The following UNC80 variants were observed in gnomAD, a reference collection of about 807,000 sequenced individuals.
The protein encoded by UNC80 is protein unc-80 homolog.
UNC80 carries 164 observed loss-of-function variants against 384.6 expected under a neutral mutation model. The ratio of observed to expected loss-of-function variants is 0.43; its 90% confidence interval spans 0.38 to 0.49. UNC80 has a LOEUF of 0.49. Among genes scored for constraint, UNC80 ranks in the 20% least tolerant of loss-of-function variants. The pLI, the probability that UNC80 is intolerant of heterozygous loss-of-function variation, is 0.00. For synonymous variants in UNC80, 1,486 were observed against 1,527.8 expected (o/e 0.97, Z 0.64); for missense variants, 3,330 against 4,143.0 (o/e 0.80, Z 5.39).
intron 26 of UNC80, among the ~76,000 whole-genome samples, chr2:209,889,384 G>A (rs1421529041): frequency 1.3e-5 from 2 of 152,156 alleles, no homozygotes; most frequent in African/African-American, 2.4e-5. Context: ...TTTTCCATCT[G>A]TACATATCAT....
At chr2:209,875,169 C>A (rs763479412) in intron 23 of UNC80, among the ~76,000 whole-genome samples, 6 of 152,200 alleles carry the variant, frequency 3.9e-5, no homozygotes, top group Non-Finnish European at 8.8e-5. Context: ...CTCCCAGCCT[C>A]CAGACTTGCA....
chr2:209,879,829 C>G (rs2085121391), intron 24 of UNC80, among the ~76,000 whole-genome samples: 1 of 151,850 alleles, frequency 6.6e-6, no homozygotes, highest in Non-Finnish European at 1.5e-5. Context: ...GGCAAAGTCC[C>G]CGGCAACAAA....
intron 25 of UNC80, among the ~76,000 whole-genome samples, chr2:209,887,437 G>A (rs955693182): frequency 6.6e-6 from 1 of 152,142 alleles, no homozygotes; most frequent in Non-Finnish European, 1.5e-5. Flanking sequence ...CCACTTTTAA[G>A]GATTTGTGAT....
chr2:209,905,777 A>T (rs2088118517), intron 29 of UNC80, among the ~76,000 whole-genome samples: 1 of 152,190 alleles, frequency 6.6e-6, no homozygotes, highest in Non-Finnish European at 1.5e-5. Context: ...AGCAACTATT[A>T]CATTTTTCAA....
In UNC80 at chr2:209,834,008, T is replaced by G. The variant is rs2081177597; in HGVS notation, c.2782T>G (p.Tyr928Asp). ...ELHSPENLGL[Y>D]CDIRQLVQFI... ...CCTTCTTGCCTCCAAACAGGGACTG[T>G]ATTGTGACATTCGTCAGCTGGTCCA... Residue 928 changes from tyrosine (Y) to aspartate (D), a missense_variant, in exon 17 of 65, where the codon TAT (tyrosine) becomes GAT (aspartate). Tyr to Asp is a radical substitution (Grantham distance 160, BLOSUM62 -3). Around this residue, in one of 8 missense-constraint regions of UNC80, gnomAD observed 937 missense variants for 1,026.8 expected, o/e 0.91. Coordinates refer to ENST00000673920, the MANE Select transcript of UNC80 (RefSeq NM_001371986.1). 1.3e-6 allele frequency: 2 copies of G among 1,551,674 alleles called. No individual in the cohort carries two copies. The highest frequency in any genetic ancestry group is 1.7e-6 in the Non-Finnish European group (2 of 1,146,940).
chr2:209,877,049 T>C (rs978166860), intron 23 of UNC80, among the ~76,000 whole-genome samples: 1 of 152,212 alleles, frequency 6.6e-6, no homozygotes, highest in African/African-American at 2.4e-5. Context: ...AGAAGAAACT[T>C]AGCTGGAATT....
At chr2:209,911,597 A>G (rs1359611005) in intron 29 of UNC80, among the ~76,000 whole-genome samples, 1 of 152,194 alleles carries the variant, frequency 6.6e-6, no homozygotes, top group Non-Finnish European at 1.5e-5. Context: ...AAATATCTTT[A>G]TCCATAACAC....
chr2:209,888,158 A>T lies in UNC80; in HGVS notation c.4174A>T (p.Ile1392Phe). 1 of 1,551,684 alleles carries T rather than the reference A, an allele frequency of 6.4e-7. No individual in the cohort carries two copies. Among genetic ancestry groups the T allele is most frequent in the Non-Finnish European group, 8.7e-7 (1 of 1,146,982 alleles). ...ELDRHRYERKISFAGVLDENE... is the reference protein window; with the variant it reads ...ELDRHRYERKFSFAGVLDENE... Reference sequence around the variant, plus strand: ...GGACCGGCACAGATATGAGAGGAAGATCAGCTTTGCTGGGGTCCTGGACGA... The same window carrying T: ...GGACCGGCACAGATATGAGAGGAAGTTCAGCTTTGCTGGGGTCCTGGACGA... Residue 1392 changes from isoleucine to phenylalanine, a missense_variant, in exon 26 of 65, where the codon ATC becomes TTC. Physicochemically the swap from Ile to Phe is conservative, Grantham distance 21. This residue lies in a region of UNC80 where 801 missense variants were observed against 950.8 expected (regional missense o/e 0.84). Transcript: ENST00000673920.
chr2:209,854,717 A>G (rs1472381503), intron 22 of UNC80, among the ~76,000 whole-genome samples: 2 of 152,236 alleles, frequency 1.3e-5, no homozygotes, highest in Admixed American at 1.3e-4. Flanking sequence ...ATTGATCATC[A>G]GAGAAATACA....
At chr2:209,924,007 T>G (rs2090243190) in intron 35 of UNC80, among the ~76,000 whole-genome samples, 2 of 151,982 alleles carry the variant, frequency 1.3e-5, no homozygotes, top group African/African-American at 4.8e-5. Context: ...TATAATAACT[T>G]TATAAGATAA....
At chr2:209,992,137 G>T in intron 61 of UNC80, 29 bp from the exon 62 acceptor site, 1 of 1,542,264 alleles carries the variant, frequency 6.5e-7, no homozygotes. Context: ...CTCTCTCCGG[G>T]GTACACTAAC....
chr2:209,888,726 C>T (rs533158467), intron 26 of UNC80, among the ~76,000 whole-genome samples: 1 of 152,222 alleles, frequency 6.6e-6, no homozygotes, highest in South Asian at 2.1e-4. Context: ...AGTGATTCTC[C>T]TGCCTCAGCC....
intron 7 of UNC80, among the ~76,000 whole-genome samples, chr2:209,799,722 CTT>C (rs1266172525): frequency 6.6e-6 from 1 of 152,056 alleles, no homozygotes; most frequent in Non-Finnish European, 1.5e-5. Flanking sequence ...ATAAACAGCT[CTT>C]ATTATTTTGA....
chr2:209,905,913 C>T (rs1296996475), intron 29 of UNC80, among the ~76,000 whole-genome samples: 6 of 152,296 alleles, frequency 3.9e-5, no homozygotes, highest in African/African-American at 1.2e-4. Flanking sequence ...CCTGAACAGG[C>T]GTCACAGCCA....
At chr2:209,780,998 T>G (rs1213819557) in intron 4 of UNC80, among the ~76,000 whole-genome samples, 1 of 152,218 alleles carries the variant, frequency 6.6e-6, no homozygotes, top group African/African-American at 2.4e-5. Context: ...CTAAACCCAG[T>G]GTGCTGCGCT....
chr2:209,943,872 A>G (rs774230821), intron 45 of UNC80, among the ~76,000 whole-genome samples: 2 of 152,150 alleles, frequency 1.3e-5, no homozygotes, highest in Non-Finnish European at 2.9e-5. Flanking sequence ...ACTTTGGGCC[A>G]GTTGTTACAG....
At chr2:209,841,571 C>T (rs935685678) in intron 20 of UNC80, among the ~76,000 whole-genome samples, 5 of 152,022 alleles carry the variant, frequency 3.3e-5, no homozygotes, top group South Asian at 2.1e-4. Context: ...AGGATGGTCT[C>T]GATCTCTTGA....
intron 14 of UNC80, 30 bp downstream of exon 14, chr2:209,826,083 T>C: frequency 6.5e-7 from 1 of 1,532,904 alleles, no homozygotes; most frequent in Non-Finnish European, 8.8e-7. Flanking sequence ...TTCCATTTCC[T>C]CTCCCTCTTC....
At chr2:209,995,228 C>G in intron 64 of UNC80, 101 bp from the exon 65 acceptor site, 3 of 1,439,518 alleles carry the variant, frequency 2.1e-6, no homozygotes, top group Non-Finnish European at 2.8e-6. Flanking sequence ...GACTAGCCAT[C>G]TGATTCCTTT....
Sources: gnomAD v4.1 joint callset for allele counts (sites outside exome capture counted in the v4.1 genomes callset) on GRCh38, gnomAD v4.1.1 for gene constraint, gnomAD v4.1.1 regional missense constraint, MANE v1.5 for transcripts, NCBI Gene and HGNC (gene_info 2026-07-23, HGNC 2026-07-21) for gene names.